The following RUNX1 variants were observed in gnomAD, a reference collection of about 807,000 sequenced individuals.
The protein encoded by RUNX1 is RUNX family transcription factor 1.
Under a neutral mutation model 42.8 loss-of-function variants are expected in RUNX1, and 19 were observed. The observed-to-expected ratio is 0.44, with a 90% CI of 0.31 to 0.65. The LOEUF is 0.65. Ranked by LOEUF, RUNX1 falls within the 30% of genes least tolerant of loss-of-function variation. The pLI is 0.07. For synonymous variants in RUNX1, 271 were observed against 289.4 expected, an observed-to-expected ratio of 0.94 and a Z score of 0.64; for missense variants, 528 against 672.0, an observed-to-expected ratio of 0.79 and a Z score of 2.37.
chr21:34,888,817 G>C (rs2058036589), intron 3 of RUNX1: 1 of 420,336 alleles, frequency 2.4e-6, no homozygotes. Context: ...CAGCCAGGGC[G>C]CGGCTCGCCG....
intron 2 of RUNX1, among the ~76,000 whole-genome samples, chr21:34,955,589 A>C (rs1418697680): frequency 1.3e-5 from 2 of 152,192 alleles, no homozygotes; most frequent in Non-Finnish European, 2.9e-5. Flanking sequence ...TGATGTGTTG[A>C]GTATTCAGCA....
chr21:35,004,798 G>A (rs1027960777), intron 2 of RUNX1, among the ~76,000 whole-genome samples: 2 of 152,178 alleles, frequency 1.3e-5, no homozygotes, highest in Non-Finnish European at 2.9e-5. Flanking sequence ...TTCCCTTGTT[G>A]TCTGCTTGCT....
chr21:34,792,288 C>A lies in RUNX1; in HGVS notation c.1290G>T (p.Pro430=). The change falls in exon 9 of 9, where the codon CCG becomes CCT. Residue 430 remains proline, a synonymous_variant. Transcript: ENST00000675419. This position sits in a 1 kb window ranked among gnomAD's most constrained non-coding sequence, Gnocchi z 6.9. ...AGCCGGTGGAGGCGTTGGTGCAGGG[C>A]GGCAGGATGCGCGGCGGCGAGCGCT... The part of the protein sequence containing the change: ...GGERSPPRIL[P]PCTNASTGSA... 6.5e-7 allele frequency: 1 copy of A among 1,540,096 alleles called. No individual in the cohort carries two copies.
At chr21:34,885,580 G>C (rs1198229308) in intron 4 of RUNX1, among the ~76,000 whole-genome samples, 2 of 152,136 alleles carry the variant, frequency 1.3e-5, no homozygotes, top group African/African-American at 4.8e-5. Flanking sequence ...TTTTGTTTTA[G>C]AAATCACAAT....
At chr21:34,863,109 T>C (rs1431898273) in intron 5 of RUNX1, among the ~76,000 whole-genome samples, 1 of 152,200 alleles carries the variant, frequency 6.6e-6, no homozygotes, top group South Asian at 2.1e-4. Flanking sequence ...TCTTGATGAA[T>C]AGGTAGCAAA....
At chr21:34,976,721 G>T (rs948266954) in intron 2 of RUNX1, among the ~76,000 whole-genome samples, 1 of 152,238 alleles carries the variant, frequency 6.6e-6, no homozygotes, top group Admixed American at 6.5e-5. Context: ...GAGAACTACT[G>T]GGGAAGACAA....
At chr21:35,011,732 A>G (rs529567122) in intron 2 of RUNX1, among the ~76,000 whole-genome samples, 5 of 152,292 alleles carry the variant, frequency 3.3e-5, no homozygotes, top group African/African-American at 1.2e-4. Flanking sequence ...TGAAACAGAC[A>G]AGAATTCTTG....
intron 2 of RUNX1, among the ~76,000 whole-genome samples, chr21:34,946,865 C>T (rs970946167): frequency 2.0e-5 from 3 of 152,206 alleles, no homozygotes; most frequent in Non-Finnish European, 2.9e-5. Flanking sequence ...CATCACATGT[C>T]GCTGAGCTCC....
chr21:34,800,758 C>G (rs979407888), intron 7 of RUNX1, among the ~76,000 whole-genome samples: 44 of 152,290 alleles, frequency 2.9e-4, no homozygotes, highest in African/African-American at 1.0e-3. Context: ...GACAGCCTCC[C>G]TCCCTCCCTC....
At chr21:34,908,321 G>T (rs184877106) in intron 2 of RUNX1, among the ~76,000 whole-genome samples, 1 of 152,174 alleles carries the variant, frequency 6.6e-6, no homozygotes, top group East Asian at 1.9e-4. Context: ...CAATCAGGAA[G>T]GTATTTTTAA....
chr21:34,855,040 G>A (rs2057476932), intron 6 of RUNX1, among the ~76,000 whole-genome samples: 1 of 152,200 alleles, frequency 6.6e-6, no homozygotes, highest in Non-Finnish European at 1.5e-5. Context: ...CCTGGGGACA[G>A]ACAGAAGTTA....
chr21:34,998,874 G>A (rs1455397682), intron 2 of RUNX1, among the ~76,000 whole-genome samples: 1 of 152,072 alleles, frequency 6.6e-6, no homozygotes, highest in Non-Finnish European at 1.5e-5. Flanking sequence ...AACCACAAAC[G>A]CTCTCACCCT....
intron 7 of RUNX1, among the ~76,000 whole-genome samples, chr21:34,830,863 G>A (rs974717720): frequency 6.6e-6 from 1 of 152,210 alleles, no homozygotes; most frequent in South Asian, 2.1e-4. Context: ...GCATGCAGAA[G>A]AACAACAAAA....
intron 7 of RUNX1, among the ~76,000 whole-genome samples, chr21:34,817,905 C>T (rs957579409): frequency 7.2e-5 from 11 of 152,218 alleles, no homozygotes; most frequent in African/African-American, 2.4e-4. Flanking sequence ...CTCTTGAGAA[C>T]TGGATTTGCA....
chr21:34,993,804 GACACAC>G lies in RUNX1; in HGVS notation c.58+55032_58+55037del, dbSNP rs760635752. On this transcript the variant is annotated intron_variant, in intron 2 of 8. Transcript: ENST00000675419. ...ACACACACACACAGACACACACACA[GACACAC>G]ACACACACATACACAGACACACACA... Among the ~76,000 whole-genome samples, 3 of 90,634 alleles carry G rather than the reference GACACAC, an allele frequency of 3.3e-5. No homozygotes were observed. In the East Asian group the frequency reaches 8.8e-4, roughly 27 times the overall value. 59.5% of individuals were successfully genotyped at this position (90,634 alleles called of 152,430 possible).
chr21:34,972,768 T>C (rs1274920338), intron 2 of RUNX1, among the ~76,000 whole-genome samples: 3 of 152,178 alleles, frequency 2.0e-5, no homozygotes, highest in East Asian at 1.9e-4. Flanking sequence ...CAGCCTTCCA[T>C]ACAGCAGGCA....
intron 2 of RUNX1, among the ~76,000 whole-genome samples, chr21:34,915,554 G>A (rs1350941125): frequency 6.6e-6 from 1 of 152,136 alleles, no homozygotes; most frequent in Non-Finnish European, 1.5e-5. Flanking sequence ...AGCCTCAAAG[G>A]GGAAAAGCAT....
chr21:34,966,329 C>T (rs569123647), intron 2 of RUNX1, among the ~76,000 whole-genome samples: 31 of 152,312 alleles, frequency 2.0e-4, no homozygotes, highest in African/African-American at 4.6e-4. Flanking sequence ...AAGTGCCTCA[C>T]GCCACTTTAA....
At chr21:34,889,827 G>C in intron 3 of RUNX1, 4 of 1,112,356 alleles carry the variant, frequency 3.6e-6, no homozygotes, top group South Asian at 5.7e-5. Flanking sequence ...AGCGGAGGCT[G>C]CTCCCGTCAC....
Sources: gnomAD v4.1 joint callset for allele counts (sites outside exome capture counted in the v4.1 genomes callset) on GRCh38, gnomAD v4.1.1 for gene constraint, Gnocchi (gnomAD v3.1) non-coding constraint, MANE v1.5 for transcripts, NCBI Gene and HGNC (gene_info 2026-07-23, HGNC 2026-07-21) for gene names.